ALX3: variants seen among roughly 807,000 people sequenced by gnomAD.
ALX3 encodes the protein homeobox protein aristaless-like 3.
A neutral mutation model predicts 26.3 loss-of-function variants in ALX3; 17 were observed. The ratio of observed to expected loss-of-function variants is 0.65; its 90% CI spans 0.44 to 0.97. ALX3 has a LOEUF of 0.97. ALX3 is among the 50% of genes least tolerant of loss of function. The probability of loss-of-function intolerance (pLI) is 0.00; values close to 1 mark genes in which losing one functional copy is unlikely to be tolerated. For missense variants in ALX3, 461 were observed against 466.5 expected (o/e 0.99, Z 0.11); for synonymous variants, 208 against 201.4 (o/e 1.03, Z -0.28).
chr1:110,061,735 A>G (rs1386969125), intron 2 of ALX3, 172 bp from the exon 3 acceptor site: 3 of 1,068,538 alleles, frequency 2.8e-6, no homozygotes, highest in Non-Finnish European at 3.9e-6. Flanking sequence ...CCTGGGAGGA[A>G]GCCTGGGAGA....
Position 110,059,944 on chromosome 1 carries a change from TAAAC to T in ALX3, c.*785_*788del, listed in dbSNP as rs1475357435. The stretch of plus-strand genomic sequence containing the variant: ...CTCTCTCTCTCCTTTTTTTTTTTTT[TAAAC>T]AAAAAAAACACAAAAGTGTCTGTAC... On this transcript the variant is annotated 3_prime_UTR_variant, in exon 4 of 4. Coordinates refer to ENST00000647563, the MANE Select transcript of ALX3 (RefSeq NM_006492.3). The T allele has an allele frequency of 5.3e-5, 8 of 150,550 alleles. No homozygotes were observed. Among genetic ancestry groups the T allele is most frequent in the Admixed American group, 5.3e-4 (8 of 15,184 alleles). The allele number at this position is 150,550 out of a possible 1,614,324, so 9.3% of individuals were successfully genotyped here. A position where few individuals can be genotyped will look rare whatever the true frequency, so the allele number is the denominator to read the frequency against.
chr1:110,065,258 C>A (rs1653755065), intron 1 of ALX3, among the ~76,000 whole-genome samples: 2 of 152,102 alleles, frequency 1.3e-5, no homozygotes, highest in African/African-American at 4.8e-5. Flanking sequence ...AGAATGGGGG[C>A]AGAGGGCGGG....
In ALX3 at chr1:110,061,474, A is replaced by G. The variant is rs776854762; in HGVS notation, c.684T>C (p.Tyr228=). 6.2e-7 allele frequency: 1 copy of G among 1,614,204 alleles called. No individual in the cohort carries two copies. Among genetic ancestry groups the G allele is most frequent in the South Asian group, 1.1e-5 (1 of 91,086 alleles). Residue 228 remains tyrosine (Y), a synonymous_variant, in exon 3 of 4, where the codon TAT becomes TAC. Transcript: ENST00000647563. ...QEGRNPFTAA[Y]DISVLPRTDS... ...CAGTACGGGGCAGCACAGAGATGTC[A>G]TAGGCAGCCGTGAAGGGGTTCCGCC...
At chr1:110,064,494 A>G in intron 2 of ALX3, 93 bp downstream of exon 2, 1 of 1,464,514 alleles carries the variant, frequency 6.8e-7, no homozygotes, top group African/African-American at 1.4e-5. Flanking sequence ...TCTGGGAGGC[A>G]CCAGTGCCCA....
In ALX3 at chr1:110,064,471, T is replaced by G. The variant is rs563672656; in HGVS notation, c.594+116A>C. 9 of 1,296,952 alleles carry G rather than the reference T, an allele frequency of 6.9e-6. No homozygotes were observed. In the East Asian group the frequency reaches 2.3e-4, roughly 33 times the overall value. 80.3% of individuals were successfully genotyped at this position (1,296,952 alleles called of 1,614,324 possible). On this transcript the variant is annotated intron_variant, in intron 2 of 3. Coordinates refer to ENST00000647563, the MANE Select transcript of ALX3 (RefSeq NM_006492.3). Reference sequence around the variant, plus strand: ...GGAGGGGAAGGCTGGTGCAGGCCCCTGGGAAAGGTAGCTCTGGGAGGCACC... The same window carrying G: ...GGAGGGGAAGGCTGGTGCAGGCCCCGGGGAAAGGTAGCTCTGGGAGGCACC...
intron 1 of ALX3, among the ~76,000 whole-genome samples, chr1:110,066,836 G>A (rs997594645): frequency 6.6e-6 from 1 of 152,138 alleles, no homozygotes; most frequent in Non-Finnish European, 1.5e-5. Flanking sequence ...CCAGAAGAAG[G>A]GACCAGATCT....
chr1:110,068,858 C>G (rs1653850834), intron 1 of ALX3, among the ~76,000 whole-genome samples: 1 of 152,194 alleles, frequency 6.6e-6, no homozygotes. Context: ...TCAAGGCCAC[C>G]CTTGCCGTCG....
chr1:110,061,678 T>G, intron 2 of ALX3, 115 bp from the exon 3 acceptor site: 1 of 1,466,324 alleles, frequency 6.8e-7, no homozygotes, highest in East Asian at 2.3e-5. Flanking sequence ...GGCTCCAGGA[T>G]GGAGGATCTC....
intron 2 of ALX3, chr1:110,062,617 G>GTCACAACAGAAGAAAGGT (rs1167657598): frequency 0.084 from 55 of 652 alleles, no homozygotes; most frequent in African/African-American, 0.43. Context: ...GTGTGTGTGT[G>GTCACAACAGAAGAAAGGT]TGTGTGTGTG....
chr1:110,069,387 T>C (rs973829802), intron 1 of ALX3, among the ~76,000 whole-genome samples: 2 of 152,162 alleles, frequency 1.3e-5, no homozygotes, highest in Non-Finnish European at 2.9e-5. Context: ...CTGCGGGATA[T>C]GGCAGCGCAG....
At chr1:110,062,821 A>G (rs896874906) in intron 2 of ALX3, among the ~76,000 whole-genome samples, 1 of 151,914 alleles carries the variant, frequency 6.6e-6, no homozygotes, top group Non-Finnish European at 1.5e-5. Flanking sequence ...GGCCACCCCC[A>G]CCTGCCCAGC....
At chr1:110,069,933 G>T (rs913231137) in intron 1 of ALX3, among the ~76,000 whole-genome samples, 7 of 152,156 alleles carry the variant, frequency 4.6e-5, no homozygotes, top group African/African-American at 1.4e-4. Context: ...GCGCTTCTTC[G>T]TCAGGTCTCA....
chr1:110,070,184 C>G (rs1653884003), intron 1 of ALX3, 152 bp downstream of exon 1: 1 of 910,814 alleles, frequency 1.1e-6, no homozygotes, highest in African/African-American at 1.7e-5. Flanking sequence ...AGCGCCAACC[C>G]GGCTTCCGTG....
In ALX3 at chr1:110,070,665, C is replaced by A; in HGVS notation, c.-53G>T. On this transcript the variant is annotated 5_prime_UTR_variant, in exon 1 of 4. Transcript: ENST00000647563. ...GGCTCCGGGGCTCGCGCTGCCCGCGCCGCCTGTGAGCGCCCGCCAAGGGGG... is the reference window on the plus strand; with the variant it reads ...GGCTCCGGGGCTCGCGCTGCCCGCGACGCCTGTGAGCGCCCGCCAAGGGGG... 1 of 1,185,764 alleles carries A rather than the reference C, an allele frequency of 8.4e-7. No individual in the cohort carries two copies. Among genetic ancestry groups the A allele is most frequent in the Non-Finnish European group, 1.0e-6 (1 of 959,626 alleles). The allele number at this position is 1,185,764 out of a possible 1,614,324, so 73.5% of individuals were successfully genotyped here.
At position 110,061,147 on chromosome 1, in the gene ALX3, A is replaced by G. The variant is rs1006625343; in HGVS notation, c.724-106T>C. On this transcript the variant is annotated intron_variant, in intron 3 of 3. Transcript: ENST00000647563. ...TTGGGGCCCCAGAAACTTTCCAGGA[A>G]ACCTCCACTTGGCTCAGATCTACCC... The G allele has an allele frequency of 1.1e-5, 15 of 1,317,536 alleles. No homozygotes were observed. The African/African-American group carries it at 1.9e-4, about 17-fold the overall frequency. The allele number at this position is 1,317,536 out of a possible 1,614,324, so 81.6% of individuals were successfully genotyped here.
In ALX3 at chr1:110,064,672, T is replaced by A; in HGVS notation, c.509A>T (p.Lys170Met). Reference sequence around the variant, plus strand: ...AGGATAGTGGGTTTTCTGGAAGACCTTCTCCAGCTCCTCCAGCTGGAATGT... The same window carrying A: ...AGGATAGTGGGTTTTCTGGAAGACCATCTCCAGCTCCTCCAGCTGGAATGT... Reference protein sequence around the residue: ...FSTFQLEELEKVFQKTHYPDV... With the variant: ...FSTFQLEELEMVFQKTHYPDV... The change falls in exon 2 of 4, where the codon AAG becomes ATG. Residue 170 changes from lysine to methionine, a missense_variant. Lys to Met is a moderately conservative substitution (Grantham distance 95). Coordinates refer to ENST00000647563, the MANE Select transcript of ALX3 (RefSeq NM_006492.3). 4.3e-6 allele frequency: 7 copies of A among 1,614,228 alleles called. No homozygotes were observed. In the South Asian group the frequency reaches 5.5e-5, roughly 13 times the overall value.
chr1:110,064,198 G>A (rs181436665), intron 2 of ALX3, among the ~76,000 whole-genome samples: 12 of 152,122 alleles, frequency 7.9e-5, no homozygotes, highest in Non-Finnish European at 1.5e-4. Context: ...TCCAAAATGC[G>A]GCCATCCCTG....
At chr1:110,069,561 C>T (rs1570940529) in intron 1 of ALX3, among the ~76,000 whole-genome samples, 1 of 152,114 alleles carries the variant, frequency 6.6e-6, no homozygotes, top group African/African-American at 2.4e-5. Flanking sequence ...CCCGTGAGCC[C>T]GCGGCGCCAG....
chr1:110,064,565 C>T (rs756356105), intron 2 of ALX3, 22 bp downstream of exon 2: 4 of 1,613,498 alleles, frequency 2.5e-6, no homozygotes, highest in Admixed American at 3.3e-5. Flanking sequence ...GCCAGAGAGC[C>T]CCATCCTTGC....
Sources: allele counts gnomAD v4.1 joint callset (sites outside exome capture counted in the v4.1 genomes callset), GRCh38; gene constraint gnomAD v4.1.1; transcripts MANE v1.5; gene names NCBI Gene and HGNC (gene_info 2026-07-23, HGNC 2026-07-21).